The following CWC27 variants were observed in gnomAD, a reference collection of about 807,000 sequenced individuals.
The protein encoded by CWC27 is CWC27 spliceosome associated cyclophilin, also known as spliceosome-associated protein CWC27 homolog.
A neutral mutation model predicts 63.6 loss-of-function variants in CWC27; 47 were observed. The observed-to-expected ratio is 0.74, with a 90% CI of 0.58 to 0.94. CWC27 has a LOEUF of 0.94. CWC27 is among the 40% of genes least tolerant of loss of function. The pLI, the probability that CWC27 is intolerant of heterozygous loss-of-function variation, is 0.00. For missense variants in CWC27, 495 were observed against 554.3 expected (o/e 0.89, Z 1.07); for synonymous variants, 175 against 179.8 (o/e 0.97, Z 0.22).
chr5:64,863,779 G>A (rs1746474218), intron 10 of CWC27, among the ~76,000 whole-genome samples: 1 of 152,086 alleles, frequency 6.6e-6, no homozygotes, highest in Admixed American at 6.6e-5. Flanking sequence ...ATGAGACACT[G>A]CATTCAGCCC....
At position 64,896,934 on chromosome 5, in the gene CWC27, G is replaced by A. The variant is rs74918537; in HGVS notation, c.1042+11388G>A. Among the ~76,000 whole-genome samples, 263 of 152,220 alleles carry A rather than the reference G, an allele frequency of 1.7e-3. 2 individuals are homozygous for A. Among genetic ancestry groups the A allele is most frequent in the African/African-American group, 5.0e-3 (207 of 41,530 alleles). Reference sequence around the variant, plus strand: ...CTTCAAAATATTGGACAATCAAGCCGCGCACGGTGGCTCATACCTGTAATC... The same window carrying A: ...CTTCAAAATATTGGACAATCAAGCCACGCACGGTGGCTCATACCTGTAATC... On this transcript the variant is annotated intron_variant, in intron 11 of 13. Transcript: ENST00000381070.
intron 1 of CWC27, 112 bp from the exon 2 acceptor site, chr5:64,774,579 A>T: frequency 1.8e-6 from 1 of 550,508 alleles, no homozygotes; most frequent in South Asian, 3.5e-5. Flanking sequence ...CACAATTTTT[A>T]ATATTTCTTT....
intron 10 of CWC27, among the ~76,000 whole-genome samples, chr5:64,850,115 C>A (rs1242866287): frequency 6.6e-6 from 1 of 151,106 alleles, no homozygotes; most frequent in Non-Finnish European, 1.5e-5. Flanking sequence ...CTTAAATAGC[C>A]AAGGCAATTA....
chr5:64,995,268 G>A (rs573820385), intron 13 of CWC27, among the ~76,000 whole-genome samples: 1 of 152,134 alleles, frequency 6.6e-6, no homozygotes, highest in East Asian at 1.9e-4. Context: ...CACGGCGCCT[G>A]GCCTATGAAG....
intron 13 of CWC27, among the ~76,000 whole-genome samples, chr5:65,000,721 C>T (rs1273799213): frequency 2.0e-5 from 3 of 151,906 alleles, no homozygotes; most frequent in Non-Finnish European, 2.9e-5. Flanking sequence ...CTCTTTTGGT[C>T]ACTATAACTT....
chr5:64,890,400 A>G (rs1747202569), intron 11 of CWC27, among the ~76,000 whole-genome samples: 1 of 152,210 alleles, frequency 6.6e-6, no homozygotes, highest in African/African-American at 2.4e-5. Context: ...ATATAGTATT[A>G]AACTAGCTTG....
rs558706605 is a variant in CWC27 at position 64,955,351 on chromosome 5, G to A, written c.1043-16352G>A. 3.9e-5 allele frequency among the ~76,000 whole-genome samples: 6 copies of A among 152,246 alleles called. No individual in the cohort carries two copies. In the East Asian group the frequency reaches 1.2e-3, roughly 29 times the overall value. On this transcript the variant is annotated intron_variant, in intron 11 of 13. Transcript: ENST00000381070. ...GAAACCAAAGTATTAAAGATATTTA[G>A]TACTCACCCTAACTTAAATGGTAGA... is the stretch of plus-strand genomic sequence containing the variant.
chr5:64,936,490 G>T (rs1223267992), intron 11 of CWC27, among the ~76,000 whole-genome samples: 1 of 152,166 alleles, frequency 6.6e-6, no homozygotes, highest in African/African-American at 2.4e-5. Context: ...TGTGCTGCTG[G>T]ATTTGGTTTG....
chr5:64,886,637 T>C (rs1747077733), intron 11 of CWC27, among the ~76,000 whole-genome samples: 1 of 152,128 alleles, frequency 6.6e-6, no homozygotes, highest in Non-Finnish European at 1.5e-5. Flanking sequence ...TAATACCAGA[T>C]AACTATTTAA....
In CWC27 at chr5:64,999,893, C is replaced by A. The variant is rs73094734; in HGVS notation, c.1257-18266C>A. Among the ~76,000 whole-genome samples, 1,480 of 152,054 alleles carry A rather than the reference C, an allele frequency of 9.7e-3. 32 individuals carry two copies. Among genetic ancestry groups the A allele is most frequent in the African/African-American group, 0.034 (1,403 of 41,522 alleles). On this transcript the variant is annotated intron_variant, in intron 13 of 13. Coordinates refer to ENST00000381070, the MANE Select transcript of CWC27 (RefSeq NM_005869.4). ...GGGTCATATGGTAGCTCTATTTTTA[C>A]CTTTCTGAGAAACCTCCATACTGTT...
At chr5:64,848,750 C>G (rs1371648843) in intron 10 of CWC27, among the ~76,000 whole-genome samples, 1 of 152,116 alleles carries the variant, frequency 6.6e-6, no homozygotes, top group African/African-American at 2.4e-5. Flanking sequence ...GTGATCATGT[C>G]ACTAGATGCA....
At chr5:64,840,388 AAAAAAAATATATATATATATATAT>A (rs1745789566) in intron 10 of CWC27, among the ~76,000 whole-genome samples, 2 of 45,366 alleles carry the variant, frequency 4.4e-5, no homozygotes, top group Admixed American at 2.6e-4. Flanking sequence ...AAAAAAAAAA[AAAAAAAATATATATATATATATAT>A]ATATATATAT....
chr5:64,845,549 C>T (rs1050400612), intron 10 of CWC27, among the ~76,000 whole-genome samples: 6 of 151,928 alleles, frequency 3.9e-5, no homozygotes. Flanking sequence ...ATAAAAGAAA[C>T]ACATATAAAT....
chr5:64,969,672 T>C (rs577556633), intron 11 of CWC27, among the ~76,000 whole-genome samples: 191 of 151,938 alleles, frequency 1.3e-3, no homozygotes, highest in African/African-American at 4.5e-3. Flanking sequence ...GAAAAAAAAA[T>C]GAGGACAAAT....
Position 64,821,352 on chromosome 5 carries a change from T to C in CWC27, c.938+16966T>C, listed in dbSNP as rs557116538. ...CCATGCCCGGCCAACAAAGTAATTT[T>C]TTAAATGGTCACAAGAGCTTAACAG... On this transcript the variant is annotated intron_variant, in intron 10 of 13. Coordinates refer to ENST00000381070, the MANE Select transcript of CWC27 (RefSeq NM_005869.4). Among the ~76,000 whole-genome samples, 7 of 152,212 alleles carry C rather than the reference T, an allele frequency of 4.6e-5. No homozygotes were observed. The South Asian group carries it at 1.5e-3, about 32-fold the overall frequency.
chr5:64,859,956 CAA>C (rs1432775408), intron 10 of CWC27, among the ~76,000 whole-genome samples: 2 of 152,080 alleles, frequency 1.3e-5, no homozygotes, highest in Non-Finnish European at 2.9e-5. Flanking sequence ...ACAATAGTAA[CAA>C]GTGTTTATTT....
chr5:64,957,265 T>A (rs1227228508), intron 11 of CWC27, among the ~76,000 whole-genome samples: 1 of 152,200 alleles, frequency 6.6e-6, no homozygotes, highest in Non-Finnish European at 1.5e-5. Context: ...CTTCATAAAT[T>A]CTTTTTATCT....
At chr5:64,968,586 G>A (rs911742745) in intron 11 of CWC27, among the ~76,000 whole-genome samples, 2 of 152,150 alleles carry the variant, frequency 1.3e-5, no homozygotes, top group African/African-American at 4.8e-5. Flanking sequence ...AAATAAGCCA[G>A]ACATAAAAAA....
chr5:64,943,607 T>C (rs757839342), intron 11 of CWC27, among the ~76,000 whole-genome samples: 3 of 152,206 alleles, frequency 2.0e-5, no homozygotes, highest in African/African-American at 2.4e-5. Context: ...GGCACACTTT[T>C]GGACATTTTG....
Sources: gnomAD v4.1 joint callset for allele counts (sites outside exome capture counted in the v4.1 genomes callset) on GRCh38, gnomAD v4.1.1 for gene constraint, MANE v1.5 for transcripts, NCBI Gene and HGNC (gene_info 2026-07-23, HGNC 2026-07-21) for gene names.